Variants in PCDHGB3 observed in about 807,000 individuals in gnomAD.
PCDHGB3 encodes protocadherin gamma subfamily B, 3.
Under a neutral mutation model 59.2 loss-of-function variants are expected in PCDHGB3, and 40 were observed. That is an observed-to-expected ratio of 0.68 (90% CI 0.52 to 0.88). PCDHGB3 has a LOEUF of 0.88. PCDHGB3 is among the 40% of genes least tolerant of loss of function. The probability of loss-of-function intolerance (pLI) is 0.00; values close to 1 mark genes in which losing one functional copy is unlikely to be tolerated. For missense variants in PCDHGB3, 1,309 were observed against 1,187.9 expected (o/e 1.10, Z -1.50); for synonymous variants, 581 against 503.6 (o/e 1.15, Z -2.06).
chr5:141,432,725 G>A lies in PCDHGB3; in HGVS notation c.2415+59916G>A, dbSNP rs755759587. The A allele has an allele frequency of 7.4e-6, 12 of 1,613,896 alleles. No individual in the cohort carries two copies. Among genetic ancestry groups the A allele is most frequent in the African/African-American group, 1.3e-5 (1 of 74,932 alleles). On this transcript the variant is annotated intron_variant, in intron 1 of 3. Transcript: ENST00000576222. This position sits in a 1 kb window ranked among gnomAD's most constrained non-coding sequence, Gnocchi z 6.0. ...GGACCACGGCCAGCCCCCTCTCTCC[G>A]CCACTGTCACGCTCACCGTGGCCGT...
chr5:141,468,067 G>A (rs560511893), intron 1 of PCDHGB3, among the ~76,000 whole-genome samples: 34 of 152,032 alleles, frequency 2.2e-4, no homozygotes, highest in Non-Finnish European at 4.0e-4. Flanking sequence ...GCTCACACCT[G>A]TAATCCCAGC....
At chr5:141,479,358 GC>G (rs2154577546) in intron 1 of PCDHGB3, 1 of 152,584 alleles carries the variant, frequency 6.6e-6, no homozygotes, top group Non-Finnish European at 1.5e-5. Flanking sequence ...GCTGCTCAGT[GC>G]CTGAGGTGGG....
chr5:141,385,418 A>T (rs1317845643), intron 1 of PCDHGB3: 10 of 1,466,496 alleles, frequency 6.8e-6, no homozygotes, highest in Non-Finnish European at 8.1e-6. Context: ...ATAGGGATTT[A>T]AAAAACTTTA....
chr5:141,415,843 G>T (rs1022622333), intron 1 of PCDHGB3: 36 of 1,251,418 alleles, frequency 2.9e-5, no homozygotes, highest in Non-Finnish European at 3.6e-5. Flanking sequence ...GATTAGCTTT[G>T]CAGAACCTTG....
chr5:141,398,497 G>A, intron 1 of PCDHGB3: 1 of 1,570,856 alleles, frequency 6.4e-7, no homozygotes, highest in Non-Finnish European at 8.6e-7. Context: ...TGTGGAGATC[G>A]AGGACATTAA....
At chr5:141,393,664 T>G in intron 1 of PCDHGB3, 1 of 1,613,772 alleles carries the variant, frequency 6.2e-7, no homozygotes, top group Non-Finnish European at 8.5e-7. Flanking sequence ...TTCCGGAAAA[T>G]TAATGAAAAA....
intron 1 of PCDHGB3, chr5:141,379,577 A>G (rs949228726): frequency 6.6e-6 from 1 of 152,178 alleles, no homozygotes; most frequent in African/African-American, 2.4e-5. Flanking sequence ...AGGCTGGTTT[A>G]TTTTATTCTC....
At chr5:141,463,553 A>G (rs1163004575) in intron 1 of PCDHGB3, among the ~76,000 whole-genome samples, 3 of 140,962 alleles carry the variant, frequency 2.1e-5, no homozygotes, top group Non-Finnish European at 4.5e-5. Context: ...GGTTCATGCC[A>G]TTCTCCTGCC....
Position 141,372,755 on chromosome 5 carries a change from G to A in PCDHGB3, c.2361G>A (p.Trp787Ter), listed in dbSNP as rs942442162. Residue 787 changes from tryptophan (W) to a stop codon, truncating the protein, a stop_gained, in exon 1 of 4, where the codon TGG becomes TGA. Transcript: ENST00000576222. LOFTEE classifies it high-confidence loss of function. ...PQDLLCDEAS[W>*]FESNDNPEMP... is the part of the protein sequence containing the mutation. Reference sequence around the variant, plus strand: ...ATCTTCTATGTGATGAAGCCTCTTGGTTTGAAAGTAATGACAATCCAGAAA... The same window carrying A: ...ATCTTCTATGTGATGAAGCCTCTTGATTTGAAAGTAATGACAATCCAGAAA... 1.9e-6 allele frequency: 3 copies of A among 1,613,064 alleles called. No homozygotes were observed. The highest frequency in any genetic ancestry group is 1.6e-4 in the Middle Eastern group (1 of 6,082).
rs1412764202 is a variant in PCDHGB3, at chr5:141,486,708, C to T, written c.2416-8099C>T. The T allele has an allele frequency of 1.2e-6, 2 of 1,614,062 alleles. No individual in the cohort carries two copies. Among genetic ancestry groups the T allele is most frequent in the Non-Finnish European group, 1.7e-6 (2 of 1,180,054 alleles). ...GCTTCCTCTTTCATCTCTCTGAACC[C>T]CCAGACAGGAGCTGTTCATGCTACT... On this transcript the variant is annotated intron_variant, in intron 1 of 3. Coordinates refer to ENST00000576222, the MANE Select transcript of PCDHGB3 (RefSeq NM_018924.5). This position sits in a 1 kb window ranked among gnomAD's most constrained non-coding sequence, Gnocchi z 5.0.
At chr5:141,398,951 C>A (rs771456321) in intron 1 of PCDHGB3, 2 of 1,613,822 alleles carry the variant, frequency 1.2e-6, no homozygotes, top group Admixed American at 1.7e-5. Flanking sequence ...GGCATCAACT[C>A]AGAAATTACT....
intron 1 of PCDHGB3, chr5:141,404,571 C>T: frequency 6.2e-7 from 1 of 1,613,720 alleles, no homozygotes; most frequent in Non-Finnish European, 8.5e-7. Flanking sequence ...AGTGGAAGCC[C>T]ACCACTTAGC....
At chr5:141,394,801 C>A in intron 1 of PCDHGB3, 2 of 1,613,838 alleles carry the variant, frequency 1.2e-6, no homozygotes, top group Non-Finnish European at 1.7e-6. Flanking sequence ...CTCACCGTAG[C>A]CGTGGCTGAC....
intron 1 of PCDHGB3, chr5:141,399,936 C>A (rs1370105984): frequency 6.2e-7 from 1 of 1,612,268 alleles, no homozygotes; most frequent in African/African-American, 1.3e-5. Flanking sequence ...TGTCCTACCA[C>A]GTGCTGCAGG....
intron 1 of PCDHGB3, chr5:141,422,413 GAA>G (rs753790858): frequency 6.2e-7 from 1 of 1,604,644 alleles, no homozygotes; most frequent in South Asian, 1.1e-5. Flanking sequence ...TTTTAAATTA[GAA>G]AAGACTTATG....
Position 141,510,363 on chromosome 5 carries a change from G to A in PCDHGB3, c.2564-584G>A, listed in dbSNP as rs973832487. Among the ~76,000 whole-genome samples the A allele has an allele frequency of 7.8e-5, 11 of 141,564 alleles. No individual in the cohort carries two copies. In the East Asian group the frequency reaches 1.6e-3, roughly 21 times the overall value. 92.9% of individuals were successfully genotyped at this position (141,564 alleles called of 152,430 possible). The stretch of plus-strand genomic sequence containing the variant: ...CCACACACTTACTAACGGAACTACC[G>A]AATCTCTACTCGTGCCAGGCCTTGC... On this transcript the variant is annotated intron_variant, in intron 3 of 3. Coordinates refer to ENST00000576222, the MANE Select transcript of PCDHGB3 (RefSeq NM_018924.5).
At chr5:141,466,022 T>C (rs1053231186) in intron 1 of PCDHGB3, among the ~76,000 whole-genome samples, 4 of 151,628 alleles carry the variant, frequency 2.6e-5, no homozygotes, top group African/African-American at 9.7e-5. Flanking sequence ...CTCGGGAGGG[T>C]GAGGCAGGAG....
Position 141,512,147 on chromosome 5 carries a change from GGCTGA to G in PCDHGB3, c.*978_*982del, listed in dbSNP as rs1406468661. The G allele has an allele frequency of 1.3e-5, 2 of 152,652 alleles. No homozygotes were observed. Among genetic ancestry groups the G allele is most frequent in the Admixed American group, 6.5e-5 (1 of 15,286 alleles). The allele number at this position is 152,652 out of a possible 1,614,324, so 9.5% of individuals were successfully genotyped here. A position where few individuals can be genotyped will look rare whatever the true frequency, so the allele number is the denominator to read the frequency against. On this transcript the variant is annotated 3_prime_UTR_variant, in exon 4 of 4. Coordinates refer to ENST00000576222, the MANE Select transcript of PCDHGB3 (RefSeq NM_018924.5). ...GGCTCAGCCCAGGCAGCCAGCTTTG[GGCTGA>G]GCTAACAGGACCAATGGATTAAACT... is the stretch of plus-strand genomic sequence containing the variant.
At position 141,491,303 on chromosome 5, in the gene PCDHGB3, C is replaced by T; in HGVS notation, c.2416-3504C>T. On this transcript the variant is annotated intron_variant, in intron 1 of 3. Coordinates refer to ENST00000576222, the MANE Select transcript of PCDHGB3 (RefSeq NM_018924.5). This position sits in a 1 kb window ranked among gnomAD's most constrained non-coding sequence, Gnocchi z 6.9. ...TTCCTCATACACCCTCCTGAGCGTT[C>T]AGACCTTACCCTTTACCTCATTGTG... 6.2e-7 allele frequency: 1 copy of T among 1,614,132 alleles called. No homozygotes were observed. The highest frequency in any genetic ancestry group is 8.5e-7 in the Non-Finnish European group (1 of 1,179,962).
Sources: allele counts gnomAD v4.1 joint callset (sites outside exome capture counted in the v4.1 genomes callset), GRCh38; gene constraint gnomAD v4.1.1; non-coding constraint Gnocchi (gnomAD v3.1); transcripts MANE v1.5; gene names NCBI Gene and HGNC (gene_info 2026-07-23, HGNC 2026-07-21).